Variants in IQSEC1 observed in about 807,000 individuals in gnomAD.
IQSEC1 encodes the protein IQ motif and SEC7 domain-containing protein 1.
In IQSEC1, 31 loss-of-function variants were observed where a neutral mutation model predicts 91.0. The ratio of observed to expected loss-of-function variants is 0.34; its 90% CI spans 0.26 to 0.46. The LOEUF (loss-of-function observed/expected upper bound fraction) is 0.46. Ranked by LOEUF, IQSEC1 falls within the 20% of genes least tolerant of loss-of-function variation. IQSEC1 has a pLI of 1.00. For synonymous variants in IQSEC1, 699 were observed against 662.6 expected, an observed-to-expected ratio of 1.05 and a Z score of -0.84; for missense variants, 1,388 against 1,575.6, an observed-to-expected ratio of 0.88 and a Z score of 2.02.
Position 13,230,320 on chromosome 3 carries a change from C to T in IQSEC1, c.272+52391G>A, listed in dbSNP as rs569781305. On this transcript the variant is annotated intron_variant, in intron 1 of 15. Transcript: ENST00000648114. Reference sequence around the variant, plus strand: ...CCTATGATTTCCCCTCAAACGCTCACAAAATTGACCTTGTTCGATGACAGG... The same window carrying T: ...CCTATGATTTCCCCTCAAACGCTCATAAAATTGACCTTGTTCGATGACAGG... Among the ~76,000 whole-genome samples, 3 of 152,216 alleles carry T rather than the reference C, an allele frequency of 2.0e-5. No homozygotes were observed. The South Asian group carries it at 6.2e-4, about 32-fold the overall frequency.
chr3:13,143,991 C>T (rs1706842984), intron 2 of IQSEC1, among the ~76,000 whole-genome samples: 1 of 152,198 alleles, frequency 6.6e-6, no homozygotes, highest in African/African-American at 2.4e-5. Context: ...CCTGCAGCTG[C>T]AACAATGTGG....
rs913095706 is a variant in IQSEC1, at chr3:12,970,769, T to A, written c.24-28904A>T. On this transcript the variant is annotated intron_variant, in intron 1 of 13. Transcript: ENST00000613206. The surrounding 1 kb of genome is among the most constrained non-coding windows in gnomAD (Gnocchi z 4.4). Reference sequence around the variant, plus strand: ...GTCACTGCTCCCAGAAAGACACCCATGACCAGCGCCTAGTCCAAGTCAGAA... The same window carrying A: ...GTCACTGCTCCCAGAAAGACACCCAAGACCAGCGCCTAGTCCAAGTCAGAA... Among the ~76,000 whole-genome samples, 6 of 152,336 alleles carry A rather than the reference T, an allele frequency of 3.9e-5. No individual in the cohort carries two copies. Among genetic ancestry groups the A allele is most frequent in the Non-Finnish European group, 8.8e-5 (6 of 68,034 alleles).
chr3:13,090,060 C>CAAAA (rs55704739), intron 2 of IQSEC1, among the ~76,000 whole-genome samples: 1 of 151,702 alleles, frequency 6.6e-6, no homozygotes, highest in South Asian at 2.1e-4. Context: ...CTAAAAAATA[C>CAAAA]AAAAAATATT....
rs369313743 is a variant in IQSEC1 at position 12,976,272 on chromosome 3, C to T, written c.24-34407G>A. 2.9e-4 allele frequency among the ~76,000 whole-genome samples: 44 copies of T among 152,308 alleles called. No homozygotes were observed. The South Asian group carries it at 5.0e-3, about 17-fold the overall frequency. On this transcript the variant is annotated intron_variant, in intron 1 of 13. Transcript: ENST00000613206. ...AAAGCAGGAGGGGGGCAGCAGTGGC[C>T]GCCCCAGGAGGGACTCTGCCAGCCC...
In IQSEC1 at chr3:12,907,342, C is replaced by T. The variant is rs745791150; in HGVS notation, c.2755+1007G>A. 2.0e-5 allele frequency among the ~76,000 whole-genome samples: 3 copies of T among 152,128 alleles called. No individual in the cohort carries two copies. In the South Asian group the frequency reaches 6.2e-4, roughly 31 times the overall value. On this transcript the variant is annotated intron_variant, in intron 12 of 13. Transcript: ENST00000613206. ...TGACGGGCAGGTGCGGGAGGGAGTC[C>T]TAAGGTGGGGCAGGTGGGGCAGGCA...
At chr3:13,215,733 G>A (rs1190281102) in intron 1 of IQSEC1, among the ~76,000 whole-genome samples, 3 of 152,136 alleles carry the variant, frequency 2.0e-5, no homozygotes, top group Admixed American at 6.5e-5. Flanking sequence ...CAGAGAGGCC[G>A]GTATGATCAG....
chr3:13,038,229 T>G (rs1704107603), intron 1 of IQSEC1, among the ~76,000 whole-genome samples: 1 of 141,558 alleles, frequency 7.1e-6, no homozygotes, highest in African/African-American at 2.6e-5. Context: ...TAAGGATATA[T>G]AAATATACAA....
chr3:13,070,841 T>C (rs1018772720), intron 1 of IQSEC1, among the ~76,000 whole-genome samples: 1 of 152,242 alleles, frequency 6.6e-6, no homozygotes, highest in Admixed American at 6.5e-5. Context: ...GCAGGAAGGC[T>C]AGACGAGCTT....
At chr3:13,011,788 C>T (rs1375834370) in intron 1 of IQSEC1, among the ~76,000 whole-genome samples, 1 of 152,208 alleles carries the variant, frequency 6.6e-6, no homozygotes, top group East Asian at 1.9e-4. Context: ...ACCGGTAGAT[C>T]AGAAGCTGGG....
chr3:12,906,834 G>A (rs988857215), intron 12 of IQSEC1, among the ~76,000 whole-genome samples: 1 of 152,132 alleles, frequency 6.6e-6, no homozygotes, highest in African/African-American at 2.4e-5. Context: ...AAGGGAGAGG[G>A]CAGGGCCTGT....
At position 12,897,771 on chromosome 3, in the gene IQSEC1, C is replaced by T. The variant is rs536540631; in HGVS notation, c.*3212G>A. On this transcript the variant is annotated 3_prime_UTR_variant, in exon 14 of 14. Transcript: ENST00000613206. ...ACCCAGCATCAGCTGTGAACATCTG[C>T]TGTCTTTTCAGCTCATTAAGAAAAA... 14 of 152,162 alleles carry T rather than the reference C, an allele frequency of 9.2e-5. No individual in the cohort carries two copies. The highest frequency in any genetic ancestry group is 3.4e-4 in the African/African-American group (14 of 41,560). 9.4% of individuals were successfully genotyped at this position (152,162 alleles called of 1,614,324 possible).
At chr3:13,084,271 G>A (rs940703387) in intron 2 of IQSEC1, among the ~76,000 whole-genome samples, 7 of 152,108 alleles carry the variant, frequency 4.6e-5, no homozygotes, top group Non-Finnish European at 7.4e-5. Flanking sequence ...CCCAAGGAAC[G>A]GGCATCACTA....
At chr3:12,926,929 T>C (rs1025190289) in intron 3 of IQSEC1, among the ~76,000 whole-genome samples, 10 of 152,166 alleles carry the variant, frequency 6.6e-5, no homozygotes, top group East Asian at 3.9e-4. Flanking sequence ...GAAGTGGTAA[T>C]GGAGTGGCCC....
At chr3:13,042,611 C>A (rs1281706925) in intron 1 of IQSEC1, among the ~76,000 whole-genome samples, 1 of 152,252 alleles carries the variant, frequency 6.6e-6, no homozygotes, top group Non-Finnish European at 1.5e-5. Context: ...CTGCTGCTGT[C>A]TCTGTTAGCT....
chr3:13,214,360 G>C lies in IQSEC1; in HGVS notation c.273-50227C>G, dbSNP rs910784294. Among the ~76,000 whole-genome samples, 1 of 152,206 alleles carries C rather than the reference G, an allele frequency of 6.6e-6. No homozygotes were observed. Among genetic ancestry groups the C allele is most frequent in the Non-Finnish European group, 1.5e-5 (1 of 68,046 alleles). Reference sequence around the variant, plus strand: ...CCCTTGTCCAGGAGCTGCCCAGGCCGACTCCTCACCCCGTCCCACAGCCAG... The same window carrying C: ...CCCTTGTCCAGGAGCTGCCCAGGCCCACTCCTCACCCCGTCCCACAGCCAG... On this transcript the variant is annotated intron_variant, in intron 1 of 15. Coordinates refer to the IQSEC1 transcript ENST00000648114. The surrounding 1 kb of genome is among the most constrained non-coding windows in gnomAD (Gnocchi z 4.5).
At chr3:13,052,475 GGGGCT>G (rs1221368663) in intron 1 of IQSEC1, among the ~76,000 whole-genome samples, 6 of 152,198 alleles carry the variant, frequency 3.9e-5, no homozygotes, top group African/African-American at 1.4e-4. Context: ...TTCCAGTTTG[GGGGCT>G]GTTATGACTA....
rs769792102 is a variant in IQSEC1, at chr3:12,935,819, C to T, written c.1197G>A (p.Gly399=). The T allele has an allele frequency of 3.7e-6, 6 of 1,608,036 alleles. No individual in the cohort carries two copies. The African/African-American group carries it at 6.7e-5, about 18-fold the overall frequency. The change falls in exon 3 of 14, where the codon GGG becomes GGA. Residue 399 remains glycine, a synonymous_variant. Transcript: ENST00000613206. This position sits in a 1 kb window ranked among gnomAD's most constrained non-coding sequence, Gnocchi z 8.0. ...RQSAYERSLG[G]QQGSPKHGPH... ...GACCATGCTTGGGACTGCCCTGCTGCCCGCCAAGGCTGCGCTCGTAAGCAC... is the reference window on the plus strand; with the variant it reads ...GACCATGCTTGGGACTGCCCTGCTGTCCGCCAAGGCTGCGCTCGTAAGCAC...
chr3:12,996,704 T>C (rs1702239485), intron 1 of IQSEC1, among the ~76,000 whole-genome samples: 1 of 152,092 alleles, frequency 6.6e-6, no homozygotes. Flanking sequence ...CATAAACAGG[T>C]CTTTCAAATC....
chr3:13,014,620 G>A (rs1311980503), intron 1 of IQSEC1, among the ~76,000 whole-genome samples: 1 of 152,172 alleles, frequency 6.6e-6, no homozygotes, highest in African/African-American at 2.4e-5. Flanking sequence ...GGGTGGGGGA[G>A]GCTTGGCTGG....
Sources: gnomAD v4.1 joint callset for allele counts (sites outside exome capture counted in the v4.1 genomes callset) on GRCh38, gnomAD v4.1.1 for gene constraint, Gnocchi (gnomAD v3.1) non-coding constraint, MANE v1.5 for transcripts, NCBI Gene and HGNC (gene_info 2026-07-23, HGNC 2026-07-21) for gene names.